Variants in RAPGEF1 observed in about 807,000 individuals in gnomAD.
RAPGEF1 encodes the protein Rap guanine nucleotide exchange factor 1, also known as CRK SH3-binding GNRP.
Under a neutral mutation model 143.3 loss-of-function variants are expected in RAPGEF1, and 33 were observed. That is an observed-to-expected ratio of 0.23 (90% CI 0.17 to 0.31). The LOEUF is 0.31. RAPGEF1 is among the 10% of genes least tolerant of loss of function. RAPGEF1 has a pLI of 1.00. For synonymous variants in RAPGEF1, 629 were observed against 676.5 expected (o/e 0.93, Z 1.09); for missense variants, 1,199 against 1,645.4 (o/e 0.73, Z 4.69).
chr9:131,672,763 T>A (rs1831619377), intron 1 of RAPGEF1, among the ~76,000 whole-genome samples: 1 of 152,182 alleles, frequency 6.6e-6, no homozygotes, highest in Non-Finnish European at 1.5e-5. Context: ...CCCTCCTGGT[T>A]GGGAAACAAA....
chr9:131,646,382 C>T (rs1969629025), intron 3 of RAPGEF1, among the ~76,000 whole-genome samples: 1 of 152,142 alleles, frequency 6.6e-6, no homozygotes, highest in Non-Finnish European at 1.5e-5. Flanking sequence ...ACTTGAGATC[C>T]CCTGGTCAAA....
At position 131,584,587 on chromosome 9, in the gene RAPGEF1, G is replaced by C. The variant is rs1474143274; in HGVS notation, c.3243C>G (p.Ser1081=). Residue 1081 remains serine, a synonymous_variant, in exon 23 of 27, where the codon TCC becomes TCG. Transcript: ENST00000683357. This position sits in a 1 kb window ranked among gnomAD's most constrained non-coding sequence, Gnocchi z 6.8. ...HFNNMSYWVR[S]IIMLQEKAQD... ...GGGCCTTTTCCTGTAACATGATTAT[G>C]GACCGGACCCTGCATGGACCAAGGG... 1 of 1,613,902 alleles carries C rather than the reference G, an allele frequency of 6.2e-7. No homozygotes were observed.
chr9:131,677,973 C>A (rs1400549957), intron 1 of RAPGEF1, among the ~76,000 whole-genome samples: 9 of 152,232 alleles, frequency 5.9e-5, no homozygotes, highest in South Asian at 4.1e-4. Context: ...GAGCACAGGT[C>A]AACAAGCTCT....
intron 1 of RAPGEF1, among the ~76,000 whole-genome samples, chr9:131,702,933 A>G (rs1834768059): frequency 6.6e-6 from 1 of 152,260 alleles, no homozygotes; most frequent in Non-Finnish European, 1.5e-5. Flanking sequence ...ATACGATGAC[A>G]ATTCTATGAA....
chr9:131,637,537 C>T (rs570525789), intron 5 of RAPGEF1, among the ~76,000 whole-genome samples: 4 of 152,216 alleles, frequency 2.6e-5, no homozygotes, highest in East Asian at 1.9e-4. Context: ...TTGTTAGCCT[C>T]GTTGAGTGGG....
chr9:131,664,505 ACCACCAGGTTCTT>A (rs1442632707), intron 1 of RAPGEF1, among the ~76,000 whole-genome samples: 8 of 152,158 alleles, frequency 5.3e-5, no homozygotes, highest in African/African-American at 1.9e-4. Flanking sequence ...GCAAGCCAAC[ACCACCAGGTTCTT>A]CCTCCTTCCT....
At chr9:131,647,103 C>T (rs1334385388) in intron 3 of RAPGEF1, among the ~76,000 whole-genome samples, 1 of 152,208 alleles carries the variant, frequency 6.6e-6, no homozygotes, top group Non-Finnish European at 1.5e-5. Context: ...TAAATTTCCT[C>T]TACAACTTCA....
intron 15 of RAPGEF1, 90 bp downstream of exon 15, chr9:131,601,971 A>C: frequency 5.6e-6 from 5 of 888,044 alleles, no homozygotes; most frequent in Non-Finnish European, 8.5e-6. Flanking sequence ...CCTCAGGCCT[A>C]GGGGCTAGCT....
At chr9:131,603,932 C>G (rs1163891192) in intron 14 of RAPGEF1, 29 bp downstream of exon 14, 1 of 1,275,472 alleles carries the variant, frequency 7.8e-7, no homozygotes, top group Non-Finnish European at 1.0e-6. Context: ...GGCCAGGCCA[C>G]ATGCAGGAGG....
chr9:131,599,843 CGTG>C (rs1564490043), intron 15 of RAPGEF1, among the ~76,000 whole-genome samples: 1 of 152,170 alleles, frequency 6.6e-6, no homozygotes, highest in African/African-American at 2.4e-5. Flanking sequence ...TTAGGCCAAA[CGTG>C]GTGGCTCACG....
intron 1 of RAPGEF1, among the ~76,000 whole-genome samples, chr9:131,660,415 C>T (rs1276044916): frequency 4.7e-5 from 7 of 149,276 alleles, no homozygotes; most frequent in South Asian, 2.1e-4. Context: ...CTCATAATTC[C>T]ACACACAGCA....
At chr9:131,579,986 C>T (rs1288201364) in intron 26 of RAPGEF1, among the ~76,000 whole-genome samples, 2 of 152,236 alleles carry the variant, frequency 1.3e-5, no homozygotes, top group Non-Finnish European at 2.9e-5. Flanking sequence ...GCCCTTCTCA[C>T]AGCAAGGTGG....
rs1968024961 is a variant in RAPGEF1, at chr9:131,641,677, G to A, written c.494+1562C>T. Among the ~76,000 whole-genome samples the A allele has an allele frequency of 6.6e-6, 1 of 152,240 alleles. No individual in the cohort carries two copies. Among genetic ancestry groups the A allele is most frequent in the Non-Finnish European group, 1.5e-5 (1 of 68,044 alleles). On this transcript the variant is annotated intron_variant, in intron 4 of 26. Coordinates refer to ENST00000683357, the MANE Select transcript of RAPGEF1 (RefSeq NM_001377935.1). The surrounding 1 kb of genome is among the most constrained non-coding windows in gnomAD (Gnocchi z 4.6). ...TAAGAGGGAATCCATACATCTCGCT[G>A]TGGCATGACGTCAGCACATGCGCTC...
chr9:131,632,100 C>T (rs1965043577), intron 5 of RAPGEF1, among the ~76,000 whole-genome samples: 1 of 151,986 alleles, frequency 6.6e-6, no homozygotes, highest in African/African-American at 2.4e-5. Flanking sequence ...ACACTCCAGC[C>T]CAGGTGAGAG....
At chr9:131,686,764 C>G (rs1833382108) in intron 1 of RAPGEF1, among the ~76,000 whole-genome samples, 1 of 152,148 alleles carries the variant, frequency 6.6e-6, no homozygotes, top group Non-Finnish European at 1.5e-5. Context: ...TGCTCAGTGC[C>G]CAGCACAGTG....
chr9:131,580,125 G>A, intron 26 of RAPGEF1, 138 bp downstream of exon 26: 1 of 1,190,040 alleles, frequency 8.4e-7, no homozygotes, highest in Non-Finnish European at 1.2e-6. Context: ...GAAACTGAAG[G>A]GCCCGGACTA....
At chr9:131,683,994 G>A (rs1285663526) in intron 1 of RAPGEF1, among the ~76,000 whole-genome samples, 2 of 152,220 alleles carry the variant, frequency 1.3e-5, no homozygotes, top group African/African-American at 4.8e-5. Context: ...TCAAATGGCC[G>A]ATCGCCTAGT....
chr9:131,628,670 G>T lies in RAPGEF1; in HGVS notation c.896C>A (p.Pro299His). ...LPGIRVVDNS[P>H]PPALPPKKRQ... ...TTTCTTGGGTGGCAATGCTGGTGGA[G>T]GACTGAAACAGACCGAAACGTCCAG... Residue 299 changes from proline (P) to histidine (H), a missense_variant and splice_region_variant, in exon 8 of 27, where the codon CCT becomes CAT. Around this residue, in one of 6 missense-constraint regions of RAPGEF1, gnomAD observed 613 missense variants for 710.9 expected, o/e 0.86. Coordinates refer to ENST00000683357, the MANE Select transcript of RAPGEF1 (RefSeq NM_001377935.1). The surrounding 1 kb of genome is among the most constrained non-coding windows in gnomAD (Gnocchi z 5.7). 2 of 1,600,852 alleles carry T rather than the reference G, an allele frequency of 1.2e-6. No homozygotes were observed. The highest frequency in any genetic ancestry group is 1.7e-6 in the Non-Finnish European group (2 of 1,170,126).
intron 1 of RAPGEF1, among the ~76,000 whole-genome samples, chr9:131,687,184 T>C (rs987587227): frequency 6.6e-5 from 10 of 152,096 alleles, no homozygotes; most frequent in Admixed American, 6.5e-4. Context: ...GCATACAGTT[T>C]TTTTGTTCTT....
Sources: gnomAD v4.1 joint callset for allele counts (sites outside exome capture counted in the v4.1 genomes callset) on GRCh38, gnomAD v4.1.1 for gene constraint, gnomAD v4.1.1 regional missense constraint, Gnocchi (gnomAD v3.1) non-coding constraint, MANE v1.5 for transcripts, NCBI Gene and HGNC (gene_info 2026-07-23, HGNC 2026-07-21) for gene names.